Variants in USH2A observed in about 807,000 individuals in gnomAD.
USH2A encodes the protein usherin.
A neutral mutation model predicts 538.9 loss-of-function variants in USH2A; 443 were observed. That is an observed-to-expected ratio of 0.82 (90% CI 0.76 to 0.89). The LOEUF is 0.89. Ranked by LOEUF, USH2A falls within the 40% of genes least tolerant of loss-of-function variation. The pLI is 0.00. For synonymous variants in USH2A, 2,413 were observed against 2,273.5 expected, an observed-to-expected ratio of 1.06 and a Z score of -1.75; for missense variants, 6,633 against 6,324.8, an observed-to-expected ratio of 1.05 and a Z score of -1.65.
chr1:215,698,754 T>A (rs551270382), intron 61 of USH2A, among the ~76,000 whole-genome samples: 23 of 152,318 alleles, frequency 1.5e-4, no homozygotes, highest in African/African-American at 5.5e-4. Flanking sequence ...TTGCAAAAAT[T>A]TTCTCCCATT....
chr1:216,066,531 CATA>C (rs2031377106), intron 30 of USH2A, among the ~76,000 whole-genome samples: 1 of 152,056 alleles, frequency 6.6e-6, no homozygotes. Context: ...AAGCATTAAG[CATA>C]ATGTTACACA....
chr1:216,324,408 A>G (rs1410477646), intron 6 of USH2A, 56 bp from the exon 7 acceptor site: 10 of 1,433,354 alleles, frequency 7.0e-6, no homozygotes, highest in African/African-American at 2.8e-5. Context: ...CCATCAGTAT[A>G]TATCAAACCA....
chr1:216,283,955 A>G (rs2036834092), intron 11 of USH2A, among the ~76,000 whole-genome samples: 1 of 152,094 alleles, frequency 6.6e-6, no homozygotes, highest in Non-Finnish European at 1.5e-5. Flanking sequence ...GATAGAACTG[A>G]GTATCAAGTT....
At chr1:215,966,669 G>A (rs1044627033) in intron 36 of USH2A, among the ~76,000 whole-genome samples, 1 of 152,088 alleles carries the variant, frequency 6.6e-6, no homozygotes. Context: ...TAGTTTAATA[G>A]CTACATACAA....
chr1:216,064,362 G>A (rs2031282697), intron 30 of USH2A, among the ~76,000 whole-genome samples: 1 of 152,054 alleles, frequency 6.6e-6, no homozygotes, highest in South Asian at 2.1e-4. Flanking sequence ...ACTCACTCTG[G>A]GGTCACGTAG....
rs541130560 is a variant in USH2A, at chr1:216,377,688, G to GAGGGGAGAGC, written c.652-12613_652-12604dup. Among the ~76,000 whole-genome samples, 1,319 of 147,736 alleles carry GAGGGGAGAGC rather than the reference G, an allele frequency of 8.9e-3. 33 individuals carry two copies. The highest frequency in any genetic ancestry group is 0.032 in the African/African-American group (1,245 of 39,192). On this transcript the variant is annotated intron_variant, in intron 3 of 71. Transcript: ENST00000307340. The stretch of plus-strand genomic sequence containing the variant: ...GCAGCAGCTGAAAGAAAGGGAAGGG[G>GAGGGGAGAGC]AGGGGAGAGCAGGGGAGAGCAGGGG...
chr1:215,986,427 G>T (rs989765129), intron 35 of USH2A, among the ~76,000 whole-genome samples: 1 of 151,452 alleles, frequency 6.6e-6, no homozygotes, highest in Non-Finnish European at 1.5e-5. Context: ...GATTACAGGG[G>T]TGAGCCACCA....
At chr1:215,660,892 C>T (rs930253377) in intron 64 of USH2A, among the ~76,000 whole-genome samples, 2 of 152,190 alleles carry the variant, frequency 1.3e-5, no homozygotes, top group Non-Finnish European at 2.9e-5. Flanking sequence ...TACAAATTAC[C>T]ATTTAAGGCA....
chr1:216,006,086 T>G (rs1326350591), intron 32 of USH2A, among the ~76,000 whole-genome samples: 2 of 152,174 alleles, frequency 1.3e-5, no homozygotes, highest in African/African-American at 2.4e-5. Context: ...TTTTGGCAAC[T>G]CTAACATCCT....
intron 44 of USH2A, among the ~76,000 whole-genome samples, chr1:215,855,315 A>C (rs1232151599): frequency 1.3e-5 from 2 of 152,198 alleles, no homozygotes; most frequent in African/African-American, 4.8e-5. Flanking sequence ...ATACAAAATT[A>C]ATGTACACAA....
intron 3 of USH2A, among the ~76,000 whole-genome samples, chr1:216,370,665 C>A (rs2038693137): frequency 2.2e-5 from 2 of 90,826 alleles, no homozygotes; most frequent in Admixed American, 1.3e-4. Context: ...GGAACAGAGC[C>A]AGACTCTGTC....
intron 61 of USH2A, among the ~76,000 whole-genome samples, chr1:215,689,298 T>A (rs1467608385): frequency 6.6e-6 from 1 of 152,252 alleles, no homozygotes; most frequent in Non-Finnish European, 1.5e-5. Context: ...TCCAATTGTC[T>A]TGTTAACCTC....
intron 3 of USH2A, among the ~76,000 whole-genome samples, chr1:216,385,883 T>G (rs2038994738): frequency 6.6e-6 from 1 of 152,218 alleles, no homozygotes; most frequent in Non-Finnish European, 1.5e-5. Flanking sequence ...AACCTGGAAT[T>G]CTTCTCTCCC....
At chr1:216,254,330 T>C (rs1300038790) in intron 11 of USH2A, among the ~76,000 whole-genome samples, 1 of 152,146 alleles carries the variant, frequency 6.6e-6, no homozygotes, top group Non-Finnish European at 1.5e-5. Context: ...ACCTTTTTAA[T>C]GTGAGAAAAT....
intron 61 of USH2A, among the ~76,000 whole-genome samples, chr1:215,711,954 A>G (rs6692669): frequency 0.78 from 119,269 of 152,132 alleles, 47,057 homozygotes; most frequent in East Asian, 0.89. Context: ...GGACCTGGAT[A>G]CACAAATGTC....
intron 36 of USH2A, among the ~76,000 whole-genome samples, chr1:215,970,011 A>G (rs1667452431): frequency 6.6e-6 from 1 of 152,204 alleles, no homozygotes; most frequent in Non-Finnish European, 1.5e-5. Context: ...TTGAAAAATT[A>G]TATTAGGAAT....
intron 34 of USH2A, among the ~76,000 whole-genome samples, chr1:215,994,857 G>A (rs995841756): frequency 6.6e-6 from 1 of 151,996 alleles, no homozygotes; most frequent in Non-Finnish European, 1.5e-5. Context: ...AAGTCCACCA[G>A]AAAATATGGC....
At chr1:215,858,355 A>G (rs1037424358) in intron 44 of USH2A, among the ~76,000 whole-genome samples, 3 of 151,662 alleles carry the variant, frequency 2.0e-5, no homozygotes, top group Non-Finnish European at 4.4e-5. Flanking sequence ...CCCATGTGTC[A>G]AGGGCAGGAC....
rs543796564 is a variant in USH2A at position 216,410,152 on chromosome 1, C to A, written c.651+8362G>T. The stretch of plus-strand genomic sequence containing the variant: ...TCAATCAAAACCACAATGAAAGATA[C>A]CATCTCACATCAGTCAGAATGTCTG... On this transcript the variant is annotated intron_variant, in intron 3 of 71. Coordinates refer to ENST00000307340, the MANE Select transcript of USH2A (RefSeq NM_206933.4). Among the ~76,000 whole-genome samples the A allele has an allele frequency of 2.1e-5, 3 of 144,544 alleles. No individual in the cohort carries two copies. In the East Asian group the frequency reaches 6.2e-4, roughly 30 times the overall value. The allele number at this position is 144,544 out of a possible 152,430, so 94.8% of individuals were successfully genotyped here.
Sources: gnomAD v4.1 joint callset for allele counts (sites outside exome capture counted in the v4.1 genomes callset) on GRCh38, gnomAD v4.1.1 for gene constraint, MANE v1.5 for transcripts, NCBI Gene and HGNC (gene_info 2026-07-23, HGNC 2026-07-21) for gene names.